Variants in TNNI3K observed in about 807,000 individuals in gnomAD.
The protein encoded by TNNI3K is TNNI3 interacting kinase.
A neutral mutation model predicts 114.5 loss-of-function variants in TNNI3K; 140 were observed. That is an observed-to-expected ratio of 1.22 (90% CI 1.07 to 1.41). TNNI3K has a LOEUF of 1.41. TNNI3K is among the 40% of genes most tolerant of loss of function. The pLI is 0.00. For synonymous variants in TNNI3K, 347 were observed against 347.5 expected, an observed-to-expected ratio of 1.00 and a Z score of 0.02; for missense variants, 1,125 against 1,007.6, an observed-to-expected ratio of 1.12 and a Z score of -1.58.
At chr1:74,358,021 G>A (rs1280937085) in intron 11 of TNNI3K, among the ~76,000 whole-genome samples, 3 of 152,074 alleles carry the variant, frequency 2.0e-5, no homozygotes, top group Non-Finnish European at 2.9e-5. Context: ...TGAAACTGCC[G>A]AATTGAAAAG....
intron 24 of TNNI3K, among the ~76,000 whole-genome samples, chr1:74,541,827 G>A (rs1257021209): frequency 6.6e-6 from 1 of 152,184 alleles, no homozygotes; most frequent in Non-Finnish European, 1.5e-5. Flanking sequence ...CCCATTAGGA[G>A]CATCACATCA....
intron 17 of TNNI3K, among the ~76,000 whole-genome samples, chr1:74,404,124 A>C (rs1436624923): frequency 6.6e-6 from 1 of 152,148 alleles, no homozygotes; most frequent in African/African-American, 2.4e-5. Flanking sequence ...TCACCTAAGA[A>C]CAAGAGGTAA....
chr1:74,351,708 T>A (rs1430891858), intron 9 of TNNI3K, among the ~76,000 whole-genome samples: 2 of 152,218 alleles, frequency 1.3e-5, no homozygotes, highest in Non-Finnish European at 2.9e-5. Context: ...ACACTTCATT[T>A]CATTGATTTT....
chr1:74,463,407 A>C (rs760678490), intron 20 of TNNI3K, 34 bp from the exon 21 acceptor site: 1 of 1,608,936 alleles, frequency 6.2e-7, no homozygotes. Flanking sequence ...TAAACATGTG[A>C]ATTTCAAAAC....
At chr1:74,347,808 A>T (rs1661100264) in intron 9 of TNNI3K, among the ~76,000 whole-genome samples, 1 of 152,176 alleles carries the variant, frequency 6.6e-6, no homozygotes, top group African/African-American at 2.4e-5. Flanking sequence ...TCTTTTGAGA[A>T]GTGTCTGTTC....
intron 20 of TNNI3K, among the ~76,000 whole-genome samples, chr1:74,451,117 G>A (rs1158579498): frequency 6.6e-6 from 1 of 152,220 alleles, no homozygotes; most frequent in South Asian, 2.1e-4. Context: ...GATGCTGGAA[G>A]CCATTATCCT....
Position 74,348,469 on chromosome 1 carries a change from T to C in TNNI3K, c.933-4797T>C, listed in dbSNP as rs563049255. Among the ~76,000 whole-genome samples, 4 of 152,350 alleles carry C rather than the reference T, an allele frequency of 2.6e-5. No individual in the cohort carries two copies. In the South Asian group the frequency reaches 6.2e-4, roughly 24 times the overall value. Reference sequence around the variant, plus strand: ...TTTGTTCTTTTTGCTTAGGATTGACTTGGCAATGCGGGCTCTTTCTTGGTT... The same window carrying C: ...TTTGTTCTTTTTGCTTAGGATTGACCTGGCAATGCGGGCTCTTTCTTGGTT... On this transcript the variant is annotated intron_variant, in intron 9 of 24. Coordinates refer to ENST00000326637, the MANE Select transcript of TNNI3K (RefSeq NM_015978.3).
intron 11 of TNNI3K, among the ~76,000 whole-genome samples, chr1:74,364,047 T>TA: frequency 2.7e-5 from 4 of 149,864 alleles, no homozygotes; most frequent in African/African-American, 7.4e-5. Flanking sequence ...TAGCCCAGGC[T>TA]GGAGTGCAAT....
chr1:74,276,338 C>G (rs142653042), intron 5 of TNNI3K, among the ~76,000 whole-genome samples: 1 of 151,792 alleles, frequency 6.6e-6, no homozygotes, highest in South Asian at 2.1e-4. Context: ...GTCATAGGAC[C>G]GAGCCTAAGA....
At chr1:74,321,888 A>G (rs191593735) in intron 5 of TNNI3K, among the ~76,000 whole-genome samples, 9 of 152,194 alleles carry the variant, frequency 5.9e-5, no homozygotes, top group East Asian at 1.9e-4. Flanking sequence ...TATTCAACCA[A>G]TGTTATAACT....
intron 20 of TNNI3K, among the ~76,000 whole-genome samples, chr1:74,460,153 G>A (rs1383432108): frequency 6.6e-6 from 1 of 151,388 alleles, no homozygotes; most frequent in Non-Finnish European, 1.5e-5. Context: ...TCGACTCACT[G>A]CAACCTCTGC....
chr1:74,409,492 C>CTTTTTTTTT (rs540218540), intron 17 of TNNI3K, among the ~76,000 whole-genome samples: 6 of 124,910 alleles, frequency 4.8e-5, no homozygotes, highest in African/African-American at 9.3e-5. Flanking sequence ...CTATTTGTTT[C>CTTTTTTTTT]TTTTTTTTTT....
chr1:74,491,008 A>C (rs937016170), intron 22 of TNNI3K, among the ~76,000 whole-genome samples: 7 of 152,210 alleles, frequency 4.6e-5, no homozygotes, highest in African/African-American at 1.7e-4. Flanking sequence ...GCAAAATAAA[A>C]GATATGATTA....
intron 5 of TNNI3K, among the ~76,000 whole-genome samples, chr1:74,287,773 C>T (rs915707674): frequency 6.6e-6 from 1 of 151,906 alleles, no homozygotes; most frequent in Non-Finnish European, 1.5e-5. Context: ...GCAAAAGAAA[C>T]AATCAACAGA....
At chr1:74,303,676 T>A (rs1370289219) in intron 5 of TNNI3K, among the ~76,000 whole-genome samples, 2 of 152,242 alleles carry the variant, frequency 1.3e-5, no homozygotes, top group Admixed American at 1.3e-4. Context: ...ACTTTCAAGT[T>A]TCATTATTTA....
chr1:74,405,725 C>T (rs1664582000), intron 17 of TNNI3K, among the ~76,000 whole-genome samples: 1 of 152,096 alleles, frequency 6.6e-6, no homozygotes, highest in South Asian at 2.1e-4. Context: ...AAGAAATAAA[C>T]ATGATTTCCT....
intron 23 of TNNI3K, among the ~76,000 whole-genome samples, chr1:74,537,842 G>A (rs1197096154): frequency 6.6e-6 from 1 of 152,180 alleles, no homozygotes; most frequent in African/African-American, 2.4e-5. Context: ...CCAACTTTGA[G>A]TTGGACCTTT....
At chr1:74,509,209 A>C (rs148756691) in intron 23 of TNNI3K, among the ~76,000 whole-genome samples, 10 of 152,282 alleles carry the variant, frequency 6.6e-5, no homozygotes, top group African/African-American at 2.4e-4. Flanking sequence ...TTGATTGTCA[A>C]ATTTGACAGT....
At chr1:74,242,695 C>T (rs1654318546) in intron 2 of TNNI3K, among the ~76,000 whole-genome samples, 1 of 152,164 alleles carries the variant, frequency 6.6e-6, no homozygotes, top group Non-Finnish European at 1.5e-5. Context: ...AAAAAACCCT[C>T]AAATCCAAAA....
Sources: allele counts gnomAD v4.1 joint callset (sites outside exome capture counted in the v4.1 genomes callset), GRCh38; gene constraint gnomAD v4.1.1; transcripts MANE v1.5; gene names NCBI Gene and HGNC (gene_info 2026-07-23, HGNC 2026-07-21).